NECAB1: variants seen among roughly 807,000 people sequenced by gnomAD.
The protein encoded by NECAB1 is N-terminal EF-hand calcium-binding protein 1.
NECAB1 carries 29 observed loss-of-function variants against 57.5 expected under a neutral mutation model. That is an observed-to-expected ratio of 0.50 (90% CI 0.38 to 0.69). The LOEUF (loss-of-function observed/expected upper bound fraction) is 0.69, where lower values mean the gene tolerates loss of function less well. Ranked by LOEUF, NECAB1 falls within the 30% of genes least tolerant of loss-of-function variation. The pLI, the probability that NECAB1 is intolerant of heterozygous loss-of-function variation, is 0.00. For missense variants in NECAB1, 372 were observed against 413.8 expected, an observed-to-expected ratio of 0.90 and a Z score of 0.88; for synonymous variants, 142 against 147.7, an observed-to-expected ratio of 0.96 and a Z score of 0.28.
intron 5 of NECAB1, among the ~76,000 whole-genome samples, chr8:90,904,973 T>C (rs1809603289): frequency 6.6e-6 from 1 of 152,174 alleles, no homozygotes; most frequent in Non-Finnish European, 1.5e-5. Flanking sequence ...AGTTTTAGTA[T>C]AGAAGAAAAT....
At chr8:90,955,016 T>C (rs1013891476) in intron 12 of NECAB1, among the ~76,000 whole-genome samples, 5 of 146,152 alleles carry the variant, frequency 3.4e-5, no homozygotes, top group African/African-American at 1.2e-4. Flanking sequence ...TATGCATATA[T>C]GTATATACAT....
Position 90,921,780 on chromosome 8 carries a change from A to C in NECAB1, c.495-3755A>C, listed in dbSNP as rs1249938154. ...CAGCATCAACATTACTTTGGGATTT[A>C]ATATTTGTGAAACCTAGGGATACAA... On this transcript the variant is annotated intron_variant, in intron 6 of 12. Transcript: ENST00000417640. Among the ~76,000 whole-genome samples the C allele has an allele frequency of 2.0e-5, 3 of 152,226 alleles. No homozygotes were observed. In the East Asian group the frequency reaches 5.8e-4, roughly 29 times the overall value.
At chr8:90,916,075 G>A (rs376974006) in intron 5 of NECAB1, among the ~76,000 whole-genome samples, 6 of 152,082 alleles carry the variant, frequency 3.9e-5, no homozygotes, top group Admixed American at 2.0e-4. Flanking sequence ...ACCCAAGGAC[G>A]ATACTTTGCA....
At position 90,881,059 on chromosome 8, in the gene NECAB1, T is replaced by G; in HGVS notation, c.286T>G (p.Tyr96Asp). Reference sequence around the variant, plus strand: ...ATATTTTTCTCAGCACTTGGGCGAGTATGAGAATGTACTAGCAGCACTTGA... The same window carrying G: ...ATATTTTTCTCAGCACTTGGGCGAGGATGAGAATGTACTAGCAGCACTTGA... ...CEYFSQHLGE[Y>D]ENVLAALEDL... Residue 96 changes from tyrosine (Y) to aspartate (D), a missense_variant, in exon 5 of 13, where the codon TAT becomes GAT. Tyr to Asp is a radical substitution (Grantham distance 160). Coordinates refer to ENST00000417640, the MANE Select transcript of NECAB1 (RefSeq NM_022351.5). The G allele has an allele frequency of 6.2e-7, 1 of 1,605,298 alleles. No homozygotes were observed. Among genetic ancestry groups the G allele is most frequent in the Non-Finnish European group, 8.5e-7 (1 of 1,175,722 alleles).
At chr8:90,862,385 G>A (rs1170399817) in intron 3 of NECAB1, among the ~76,000 whole-genome samples, 1 of 152,128 alleles carries the variant, frequency 6.6e-6, no homozygotes, top group Non-Finnish European at 1.5e-5. Context: ...CCTTTTGGAT[G>A]TTGGGCAGTG....
chr8:90,906,891 A>ATATATATATATATATATATATGTG (rs1809682308), intron 5 of NECAB1, among the ~76,000 whole-genome samples: 3 of 113,414 alleles, frequency 2.6e-5, no homozygotes, highest in African/African-American at 1.2e-4. Flanking sequence ...ATATATATAT[A>ATATATATATATATATATATATGTG]TATATATATA....
chr8:90,858,716 A>T (rs1351249757), intron 3 of NECAB1, among the ~76,000 whole-genome samples: 2 of 151,990 alleles, frequency 1.3e-5, no homozygotes, highest in African/African-American at 4.8e-5. Flanking sequence ...GCCAAACAGC[A>T]TTACAAAAGA....
intron 3 of NECAB1, among the ~76,000 whole-genome samples, chr8:90,832,687 C>A (rs1232396001): frequency 1.3e-5 from 2 of 151,944 alleles, no homozygotes; most frequent in East Asian, 1.9e-4. Flanking sequence ...TTTAAAAAAA[C>A]CAAACAAACA....
intron 3 of NECAB1, among the ~76,000 whole-genome samples, chr8:90,863,701 A>G (rs1586067860): frequency 6.6e-6 from 1 of 152,254 alleles, no homozygotes; most frequent in East Asian, 1.9e-4. Flanking sequence ...TTATTTCCTA[A>G]GTTTTAAAAT....
chr8:90,888,520 T>C (rs536885697), intron 5 of NECAB1, among the ~76,000 whole-genome samples: 1 of 152,312 alleles, frequency 6.6e-6, no homozygotes, highest in South Asian at 2.1e-4. Context: ...AGATTAAAAA[T>C]TGGTCTGTGT....
chr8:90,908,332 C>T (rs557299683), intron 5 of NECAB1, among the ~76,000 whole-genome samples: 2 of 152,160 alleles, frequency 1.3e-5, no homozygotes, highest in East Asian at 3.9e-4. Flanking sequence ...ATTTTATCAT[C>T]AATATCAACA....
At chr8:90,940,745 C>CGT in intron 9 of NECAB1, 41 bp from the exon 10 acceptor site, 1 of 1,478,050 alleles carries the variant, frequency 6.8e-7, no homozygotes, top group Non-Finnish European at 9.2e-7. Context: ...AATCGGGCTC[C>CGT]GTGACAGCCA....
intron 3 of NECAB1, among the ~76,000 whole-genome samples, chr8:90,871,698 T>C (rs1445213237): frequency 6.6e-6 from 1 of 152,146 alleles, no homozygotes; most frequent in Non-Finnish European, 1.5e-5. Flanking sequence ...TATGTATTAA[T>C]TCATTTAAAC....
In NECAB1 at chr8:90,933,970, T is replaced by C. The variant is rs561804634; in HGVS notation, c.694-334T>C. Among the ~76,000 whole-genome samples the C allele has an allele frequency of 2.6e-5, 4 of 152,260 alleles. No homozygotes were observed. In the South Asian group the frequency reaches 8.3e-4, roughly 32 times the overall value. ...AAAGCAGACTGTTAGGCTTAGTCAT[T>C]CTGTTTCCTTTTCTTTCGTTTACCT... On this transcript the variant is annotated intron_variant, in intron 8 of 12. Coordinates refer to ENST00000417640, the MANE Select transcript of NECAB1 (RefSeq NM_022351.5).
chr8:90,862,987 C>T (rs2129815943), intron 3 of NECAB1, among the ~76,000 whole-genome samples: 2 of 152,106 alleles, frequency 1.3e-5, no homozygotes, highest in Middle Eastern at 6.8e-3. Context: ...TTAATTTTTG[C>T]AAAATCTTCC....
chr8:90,926,323 C>G (rs1439434646), intron 7 of NECAB1, among the ~76,000 whole-genome samples: 1 of 152,082 alleles, frequency 6.6e-6, no homozygotes, highest in Non-Finnish European at 1.5e-5. Flanking sequence ...AAGGTATAAG[C>G]TATATTCTAT....
rs138899851 is a variant in NECAB1 at position 90,956,622 on chromosome 8, C to T, written c.*1110C>T. 1.6e-3 allele frequency: 237 copies of T among 151,844 alleles called. 1 individual carries two copies. The highest frequency in any genetic ancestry group is 5.5e-3 in the African/African-American group (230 of 41,456). The allele number at this position is 151,844 out of a possible 1,614,324, so 9.4% of individuals were successfully genotyped here. On this transcript the variant is annotated 3_prime_UTR_variant, in exon 13 of 13. Transcript: ENST00000417640. ...AAACCTTGCTAATGAAAATACAATA[C>T]ATATAAAAATGTATAGCCATGTTAT...
chr8:90,908,424 C>T (rs996706191), intron 5 of NECAB1, among the ~76,000 whole-genome samples: 6 of 151,998 alleles, frequency 3.9e-5, no homozygotes, highest in African/African-American at 1.2e-4. Flanking sequence ...TTCTACGTTA[C>T]ACTCCAGAAA....
At chr8:90,925,163 G>A (rs4436089) in intron 6 of NECAB1, among the ~76,000 whole-genome samples, 13,442 of 151,870 alleles carry the variant, frequency 0.089, 1,567 homozygotes, top group African/African-American at 0.27. Flanking sequence ...TGGATGTATA[G>A]CTTTGATCCA....
Sources: allele counts gnomAD v4.1 joint callset (sites outside exome capture counted in the v4.1 genomes callset), GRCh38; gene constraint gnomAD v4.1.1; transcripts MANE v1.5; gene names NCBI Gene and HGNC (gene_info 2026-07-23, HGNC 2026-07-21).